The following PCCA variants were observed in gnomAD, a reference collection of about 807,000 sequenced individuals.
The protein encoded by PCCA is propionyl-CoA carboxylase alpha chain, mitochondrial.
PCCA carries 74 observed loss-of-function variants against 101.3 expected under a neutral mutation model. That is an observed-to-expected ratio of 0.73 (90% confidence interval 0.61 to 0.89). The LOEUF (loss-of-function observed/expected upper bound fraction) is 0.89. PCCA is among the 40% of genes least tolerant of loss of function. PCCA has a pLI of 0.00. For synonymous variants in PCCA, 294 were observed against 313.6 expected (o/e 0.94, Z 0.66); for missense variants, 891 against 907.0 (o/e 0.98, Z 0.23).
chr13:100,211,721 A>G (rs2059223914), intron 7 of PCCA, among the ~76,000 whole-genome samples: 1 of 151,720 alleles, frequency 6.6e-6, no homozygotes, highest in African/African-American at 2.4e-5. Flanking sequence ...GTCAATTGCC[A>G]CCTTTTCTTT....
At chr13:100,486,059 T>C (rs1487620076) in intron 21 of PCCA, among the ~76,000 whole-genome samples, 1 of 152,220 alleles carries the variant, frequency 6.6e-6, no homozygotes, top group Admixed American at 6.5e-5. Flanking sequence ...TTTCTGCATA[T>C]GGCAGGTCGG....
chr13:100,216,856 C>T (rs1448784549), intron 7 of PCCA, among the ~76,000 whole-genome samples: 1 of 152,182 alleles, frequency 6.6e-6, no homozygotes, highest in Non-Finnish European at 1.5e-5. Flanking sequence ...TGCCTGTAAT[C>T]CCAGCACTTT....
At chr13:100,231,977 A>G (rs770442818) in intron 7 of PCCA, among the ~76,000 whole-genome samples, 1 of 152,144 alleles carries the variant, frequency 6.6e-6, no homozygotes, top group Non-Finnish European at 1.5e-5. Context: ...GTAAGGTCAT[A>G]CGCTATGTAC....
chr13:100,441,941 A>G (rs1343959281), intron 20 of PCCA, among the ~76,000 whole-genome samples: 1 of 151,250 alleles, frequency 6.6e-6, no homozygotes, highest in Non-Finnish European at 1.5e-5. Context: ...TCTGAGTGAA[A>G]TTTTATTTCT....
intron 17 of PCCA, among the ~76,000 whole-genome samples, chr13:100,336,651 G>C (rs1422588450): frequency 6.6e-6 from 1 of 152,156 alleles, no homozygotes; most frequent in African/African-American, 2.4e-5. Flanking sequence ...AGAGCCTGTT[G>C]GGTAAAAGAT....
In PCCA at chr13:100,273,258, C is replaced by T. The variant is rs781623638; in HGVS notation, c.977C>T (p.Ala326Val). 16 of 1,611,064 alleles carry T rather than the reference C, an allele frequency of 9.9e-6. No homozygotes were observed. The highest frequency in any genetic ancestry group is 1.2e-5 in the Non-Finnish European group (14 of 1,177,294). Residue 326 changes from alanine (A) to valine (V), a missense_variant, in exon 12 of 24, where the codon GCA becomes GTA. Coordinates refer to ENST00000376285, the MANE Select transcript of PCCA (RefSeq NM_000282.4). ...MGEQAVALARAVKYSSAGTVE... is the reference protein window; with the variant it reads ...MGEQAVALARVVKYSSAGTVE... ...GAACAAGCTGTAGCTCTTGCCAGAG[C>T]AGTAAAATATTCCTCTGCTGGGACC... is the stretch of plus-strand genomic sequence containing the variant.
At chr13:100,368,215 A>G (rs576988315) in intron 18 of PCCA, among the ~76,000 whole-genome samples, 6 of 151,924 alleles carry the variant, frequency 3.9e-5, no homozygotes, top group Admixed American at 2.6e-4. Context: ...ATTTTTTTTT[A>G]AAAAAACCAT....
intron 11 of PCCA, among the ~76,000 whole-genome samples, chr13:100,269,003 C>T (rs1309861073): frequency 1.3e-5 from 2 of 152,158 alleles, no homozygotes; most frequent in Non-Finnish European, 2.9e-5. Flanking sequence ...GTGTGTGCCA[C>T]CATGCCCAGC....
At chr13:100,482,804 T>G (rs1250905918) in intron 21 of PCCA, among the ~76,000 whole-genome samples, 1 of 152,172 alleles carries the variant, frequency 6.6e-6, no homozygotes, top group Non-Finnish European at 1.5e-5. Context: ...GCGGATCATT[T>G]GAGGTCAGGA....
intron 7 of PCCA, among the ~76,000 whole-genome samples, chr13:100,216,460 G>A (rs1371388750): frequency 6.6e-6 from 1 of 152,236 alleles, no homozygotes; most frequent in Non-Finnish European, 1.5e-5. Context: ...CGGAGCGTAA[G>A]CTTCTGATGG....
At chr13:100,160,602 C>T (rs1189578675) in intron 6 of PCCA, 1 of 151,784 alleles carries the variant, frequency 6.6e-6, no homozygotes, top group South Asian at 2.1e-4. Flanking sequence ...TAGCAATTTT[C>T]AATAATTTTA....
intron 4 of PCCA, among the ~76,000 whole-genome samples, chr13:100,138,866 T>C (rs2051497268): frequency 7.4e-6 from 1 of 135,988 alleles, no homozygotes; most frequent in South Asian, 2.2e-4. Flanking sequence ...ACCAGGACAG[T>C]AGAGGTTGCA....
At chr13:100,165,256 T>C (rs911126877) in intron 6 of PCCA, among the ~76,000 whole-genome samples, 2 of 152,210 alleles carry the variant, frequency 1.3e-5, no homozygotes, top group African/African-American at 2.4e-5. Context: ...CCTACTGTTT[T>C]CCATAGTGGC....
intron 16 of PCCA, among the ~76,000 whole-genome samples, chr13:100,328,012 C>T (rs1424210067): frequency 2.0e-5 from 3 of 151,988 alleles, no homozygotes; most frequent in Non-Finnish European, 4.4e-5. Context: ...TCACTTGAGC[C>T]CAGGAGTTCG....
chr13:100,322,855 G>A (rs2068213342), intron 16 of PCCA, among the ~76,000 whole-genome samples: 1 of 152,184 alleles, frequency 6.6e-6, no homozygotes, highest in Non-Finnish European at 1.5e-5. Flanking sequence ...AATTAAAGGT[G>A]TGAGCCACTG....
chr13:100,283,141 T>A (rs1276885070), intron 12 of PCCA, among the ~76,000 whole-genome samples: 1 of 152,148 alleles, frequency 6.6e-6, no homozygotes, highest in African/African-American at 2.4e-5. Context: ...TCGACCTCGC[T>A]TGGAGAGACG....
intron 14 of PCCA, among the ~76,000 whole-genome samples, chr13:100,305,046 G>C (rs993767722): frequency 3.3e-5 from 5 of 152,142 alleles, no homozygotes; most frequent in Non-Finnish European, 7.4e-5. Context: ...TTTCATTGAA[G>C]GAATGGAGAC....
intron 19 of PCCA, among the ~76,000 whole-genome samples, chr13:100,422,147 T>TTC (rs1434977454): frequency 1.2e-4 from 17 of 146,048 alleles, no homozygotes; most frequent in African/African-American, 4.3e-4. Flanking sequence ...TTTTTTTTTT[T>TTC]TTTTTGACAG....
At chr13:100,099,297 A>C (rs2047053396) in intron 1 of PCCA, among the ~76,000 whole-genome samples, 1 of 151,694 alleles carries the variant, frequency 6.6e-6, no homozygotes, top group South Asian at 2.1e-4. Flanking sequence ...TTGCTTATGA[A>C]AGTAGGTGCT....
Sources: gnomAD v4.1 joint callset for allele counts (sites outside exome capture counted in the v4.1 genomes callset) on GRCh38, gnomAD v4.1.1 for gene constraint, MANE v1.5 for transcripts, NCBI Gene and HGNC (gene_info 2026-07-23, HGNC 2026-07-21) for gene names.